Variants in ITPRID1 observed in about 807,000 individuals in gnomAD.
ITPRID1 encodes the protein ITPR interacting domain containing 1.
Under a neutral mutation model 95.4 loss-of-function variants are expected in ITPRID1, and 96 were observed. That is an observed-to-expected ratio of 1.01 (90% confidence interval 0.85 to 1.19). The LOEUF is 1.19. Among genes scored for constraint, ITPRID1 ranks in the 50% most tolerant of loss-of-function variants. The pLI, the probability that ITPRID1 is intolerant of heterozygous loss-of-function variation, is 0.00. For synonymous variants in ITPRID1, 510 were observed against 453.6 expected, an observed-to-expected ratio of 1.12 and a Z score of -1.58; for missense variants, 1,339 against 1,252.9, an observed-to-expected ratio of 1.07 and a Z score of -1.04.
At chr7:31,585,275 G>A (rs1281010005) in intron 10 of ITPRID1, among the ~76,000 whole-genome samples, 1 of 152,166 alleles carries the variant, frequency 6.6e-6, no homozygotes, top group East Asian at 1.9e-4. Flanking sequence ...TTAAAAACCA[G>A]TAGTAAGACT....
chr7:31,655,719 A>C lies in ITPRID1; in HGVS notation c.*2890A>C, dbSNP rs981197831. The C allele has an allele frequency of 4.1e-6, 4 of 985,636 alleles. No individual in the cohort carries two copies. The highest frequency in any genetic ancestry group is 1.2e-4 in the Admixed American group (2 of 16,254). The allele number at this position is 985,636 out of a possible 1,614,324, so 61.1% of individuals were successfully genotyped here. A position where few individuals can be genotyped will look rare whatever the true frequency, so the allele number is the denominator to read the frequency against. Reference sequence around the variant, plus strand: ...TCCCAGCCAAATTGACTCCTGATGCATTGCATTTGTGCCTCCAAATCGTTT... The same window carrying C: ...TCCCAGCCAAATTGACTCCTGATGCCTTGCATTTGTGCCTCCAAATCGTTT... On this transcript the variant is annotated 3_prime_UTR_variant, in exon 15 of 15. Coordinates refer to ENST00000615280, the MANE Select transcript of ITPRID1 (RefSeq NM_001257967.3).
chr7:31,654,272 G>A lies in ITPRID1; in HGVS notation c.*1443G>A, dbSNP rs1286857746. Among the ~76,000 whole-genome samples, 1 of 152,138 alleles carries A rather than the reference G, an allele frequency of 6.6e-6. No homozygotes were observed. The highest frequency in any genetic ancestry group is 1.5e-5 in the Non-Finnish European group (1 of 68,028). On this transcript the variant is annotated 3_prime_UTR_variant, in exon 15 of 15. Coordinates refer to ENST00000615280, the MANE Select transcript of ITPRID1 (RefSeq NM_001257967.3). ...GCAATTTTGCAAAAGAACATTCAAA[G>A]CAGAAGGAATGGAAAGTTAACAGGC...
intron 10 of ITPRID1, among the ~76,000 whole-genome samples, chr7:31,621,120 T>C (rs1050500534): frequency 2.6e-5 from 4 of 152,030 alleles, no homozygotes; most frequent in Admixed American, 2.6e-4. Context: ...AAAGACCAAA[T>C]CTACGTCTGA....
chr7:31,535,063 A>G (rs1023500162), intron 1 of ITPRID1, among the ~76,000 whole-genome samples: 2 of 152,106 alleles, frequency 1.3e-5, no homozygotes, highest in South Asian at 2.1e-4. Context: ...CCTTAAGAGC[A>G]CTTGAAATAT....
intron 1 of ITPRID1, among the ~76,000 whole-genome samples, chr7:31,545,343 G>T (rs1274273857): frequency 6.6e-6 from 1 of 151,922 alleles, no homozygotes; most frequent in African/African-American, 2.4e-5. Context: ...ATGAGAGGTG[G>T]ATCACAGATG....
intron 10 of ITPRID1, among the ~76,000 whole-genome samples, chr7:31,636,683 C>T (rs560252692): frequency 2.0e-5 from 3 of 151,490 alleles, no homozygotes; most frequent in Non-Finnish European, 2.9e-5. Context: ...GGAGAACTAA[C>T]AGGCTGTGGG....
At chr7:31,552,083 C>T (rs930241242) in intron 2 of ITPRID1, among the ~76,000 whole-genome samples, 2 of 143,064 alleles carry the variant, frequency 1.4e-5, no homozygotes, top group African/African-American at 2.5e-5. Context: ...CTGCGGAGAC[C>T]GAACAATTTC....
intron 1 of ITPRID1, among the ~76,000 whole-genome samples, chr7:31,540,466 A>C (rs1273999441): frequency 1.3e-5 from 2 of 152,226 alleles, no homozygotes; most frequent in Non-Finnish European, 2.9e-5. Context: ...AAAAATTAAA[A>C]ACATGAGTCA....
chr7:31,617,980 T>C (rs1336307098), intron 10 of ITPRID1, among the ~76,000 whole-genome samples: 1 of 152,214 alleles, frequency 6.6e-6, no homozygotes, highest in Non-Finnish European at 1.5e-5. Flanking sequence ...CACATATTGA[T>C]TGTCATTAGA....
intron 12 of ITPRID1, among the ~76,000 whole-genome samples, chr7:31,649,316 C>A (rs1226585959): frequency 6.6e-6 from 1 of 152,154 alleles, no homozygotes; most frequent in Non-Finnish European, 1.5e-5. Context: ...TCTCAGACTT[C>A]CTAGAAACAG....
At position 31,549,457 on chromosome 7, in the gene ITPRID1, A is replaced by G. The variant is rs1235285922; in HGVS notation, c.-66A>G. The G allele has an allele frequency of 5.3e-6, 8 of 1,521,324 alleles. No homozygotes were observed. The highest frequency in any genetic ancestry group is 4.1e-5 in the Admixed American group (2 of 49,138). 94.2% of individuals were successfully genotyped at this position (1,521,324 alleles called of 1,614,324 possible). A position where few individuals can be genotyped will look rare whatever the true frequency, so the allele number is the denominator to read the frequency against. On this transcript the variant is annotated 5_prime_UTR_variant, in exon 2 of 15. Coordinates refer to ENST00000615280, the MANE Select transcript of ITPRID1 (RefSeq NM_001257967.3). ...ACAGGATAAGGACAAGAAGCAACAC[A>G]CAGAAGAGAAGGAAAAAGAAAGAAA...
intron 10 of ITPRID1, among the ~76,000 whole-genome samples, chr7:31,621,818 G>C (rs1199062799): frequency 1.3e-5 from 2 of 151,258 alleles, no homozygotes; most frequent in Non-Finnish European, 2.9e-5. Context: ...TGGCAAATTG[G>C]ATAAAGAGTC....
At chr7:31,596,687 A>G (rs571085095) in intron 10 of ITPRID1, among the ~76,000 whole-genome samples, 11 of 151,744 alleles carry the variant, frequency 7.2e-5, no homozygotes, top group South Asian at 6.3e-4. Context: ...TTGAAGATAG[A>G]TGACATTTCA....
chr7:31,627,460 C>G (rs1788568934), intron 10 of ITPRID1, among the ~76,000 whole-genome samples: 2 of 152,008 alleles, frequency 1.3e-5, no homozygotes, highest in South Asian at 4.1e-4. Context: ...GAGTTCAAGA[C>G]CAGCCTGGGC....
chr7:31,658,212 A>G, downstream of ITPRID1: 1 of 1,424,854 alleles, frequency 7.0e-7, no homozygotes, highest in Non-Finnish European at 9.2e-7. Context: ...CCACAGAAGA[A>G]CACTTCCCAG....
intron 1 of ITPRID1, among the ~76,000 whole-genome samples, chr7:31,540,510 T>G (rs1196345430): frequency 6.6e-6 from 1 of 152,232 alleles, no homozygotes; most frequent in Non-Finnish European, 1.5e-5. Context: ...TGCTATAGTT[T>G]TTGAAACACA....
chr7:31,544,690 C>A (rs925255471), intron 1 of ITPRID1, among the ~76,000 whole-genome samples: 1 of 152,074 alleles, frequency 6.6e-6, no homozygotes, highest in Non-Finnish European at 1.5e-5. Context: ...AATGTAATCT[C>A]CTCCAAAGAT....
At chr7:31,638,181 A>G (rs971616139) in intron 10 of ITPRID1, among the ~76,000 whole-genome samples, 1 of 152,222 alleles carries the variant, frequency 6.6e-6, no homozygotes, top group Non-Finnish European at 1.5e-5. Context: ...CAGTTGATAT[A>G]AGGAGGAAAA....
At chr7:31,544,044 C>T (rs1784017552) in intron 1 of ITPRID1, among the ~76,000 whole-genome samples, 1 of 151,830 alleles carries the variant, frequency 6.6e-6, no homozygotes, top group South Asian at 2.1e-4. Context: ...TGTCAAAGAC[C>T]AGCTGACTAT....
Sources: allele counts gnomAD v4.1 joint callset (sites outside exome capture counted in the v4.1 genomes callset), GRCh38; gene constraint gnomAD v4.1.1; transcripts MANE v1.5; gene names NCBI Gene and HGNC (gene_info 2026-07-23, HGNC 2026-07-21).